LIMCH1: variants seen among roughly 807,000 people sequenced by gnomAD.
LIMCH1 encodes the protein LIM and calponin homology domains 1, also known as LIM and calponin homology domains-containing protein 1.
Under a neutral mutation model 176.5 loss-of-function variants are expected in LIMCH1, and 113 were observed. The observed-to-expected ratio is 0.64, with a 90% CI of 0.55 to 0.75. The LOEUF is 0.75. LIMCH1 is among the 30% of genes least tolerant of loss of function. The pLI, the probability that LIMCH1 is intolerant of heterozygous loss-of-function variation, is 0.00. For synonymous variants in LIMCH1, 619 were observed against 645.9 expected, an observed-to-expected ratio of 0.96 and a Z score of 0.63; for missense variants, 1,674 against 1,814.9, an observed-to-expected ratio of 0.92 and a Z score of 1.41.
At chr4:41,680,615 T>A (rs892715501) in intron 24 of LIMCH1, among the ~76,000 whole-genome samples, 7 of 152,234 alleles carry the variant, frequency 4.6e-5, no homozygotes, top group Admixed American at 4.6e-4. Flanking sequence ...ATGTATGTTA[T>A]CTAAAGTTTG....
rs958901912 is a variant in LIMCH1 at position 41,666,616 on chromosome 4, A to G, written c.3347A>G (p.Asp1116Gly). 1 of 1,614,062 alleles carries G rather than the reference A, an allele frequency of 6.2e-7. No homozygotes were observed. Among genetic ancestry groups the G allele is most frequent in the Non-Finnish European group, 8.5e-7 (1 of 1,179,932 alleles). Residue 1116 changes from aspartate to glycine, a missense_variant, in exon 21 of 32, where the codon GAC (aspartate) becomes GGC (glycine). Around this residue, in one of 3 missense-constraint regions of LIMCH1, gnomAD observed 1,015 missense variants for 1,102.5 expected, o/e 0.92. Transcript: ENST00000503057. Reference protein sequence around the residue: ...PEATLTFPFLDKMPEANQLHL... With the variant: ...PEATLTFPFLGKMPEANQLHL... ...GCAACGCTGACATTTCCATTTCTGG[A>G]CAAAATGCCTGAAGCCAACCAACTA... is the stretch of plus-strand genomic sequence containing the variant.
intron 1 of LIMCH1, among the ~76,000 whole-genome samples, chr4:41,380,716 C>G (rs1349732073): frequency 6.6e-6 from 1 of 152,112 alleles, no homozygotes; most frequent in Non-Finnish European, 1.5e-5. Context: ...GTAAGTTGCA[C>G]TGGGCGATAT....
At position 41,613,433 on chromosome 4, in the gene LIMCH1, T is replaced by C. The variant is rs1182088118; in HGVS notation, c.10-33T>C. On this transcript the variant is annotated intron_variant, in intron 4 of 31. Coordinates refer to ENST00000503057, the MANE Select transcript of LIMCH1 (RefSeq NM_001330672.2). ...TTCCTGATAGTGTAGGCTAGAATTA[T>C]GTCTGTAACCCTTTCATTTTCTTTT... is the stretch of plus-strand genomic sequence containing the variant. 3.8e-6 allele frequency: 6 copies of C among 1,586,818 alleles called. No homozygotes were observed. The East Asian group carries it at 1.1e-4, about 30-fold the overall frequency.
In LIMCH1 at chr4:41,504,114, C is replaced by A. The variant is rs564108862; in HGVS notation, c.167+9508C>A. ...TGAGAGTGGACAGGAGACCTTGGAG[C>A]TATCCAGTTCAGTTTCTCCTCACAA... On this transcript the variant is annotated intron_variant, in intron 2 of 26. Transcript: ENST00000313860. Among the ~76,000 whole-genome samples the A allele has an allele frequency of 3.0e-4, 45 of 152,322 alleles. No homozygotes were observed. The South Asian group carries it at 7.5e-3, about 25-fold the overall frequency.
At position 41,570,078 on chromosome 4, in the gene LIMCH1, G is replaced by A. The variant is rs201440107; in HGVS notation, c.-240-28842G>A. Among the ~76,000 whole-genome samples the A allele has an allele frequency of 5.9e-5, 9 of 152,330 alleles. No individual in the cohort carries two copies. The East Asian group carries it at 1.5e-3, about 26-fold the overall frequency. On this transcript the variant is annotated intron_variant, in intron 1 of 31. Coordinates refer to ENST00000503057, the MANE Select transcript of LIMCH1 (RefSeq NM_001330672.2). ...TGGTTGGTGGACAGCAGGTCCCAGC[G>A]TGGGATATTAGGTATGAGTGTCACC...
chr4:41,577,566 A>G (rs1397514266), intron 1 of LIMCH1, among the ~76,000 whole-genome samples: 1 of 152,094 alleles, frequency 6.6e-6, no homozygotes, highest in Non-Finnish European at 1.5e-5. Flanking sequence ...AATAACCGAG[A>G]CTACAGGTAT....
At chr4:41,672,316 G>A (rs984694273) in intron 22 of LIMCH1, among the ~76,000 whole-genome samples, 3 of 151,890 alleles carry the variant, frequency 2.0e-5, no homozygotes, top group African/African-American at 7.2e-5. Context: ...GTTGCAGTGA[G>A]CCAAGATCAC....
chr4:41,565,346 T>TACACACAC lies in LIMCH1; in HGVS notation c.-241+27026_-241+27033dup, dbSNP rs34056313. Among the ~76,000 whole-genome samples the TACACACAC allele has an allele frequency of 9.6e-3, 1,230 of 128,552 alleles. 19 individuals are homozygous for TACACACAC. Among genetic ancestry groups the TACACACAC allele is most frequent in the African/African-American group, 0.032 (1,094 of 34,076 alleles). 84.3% of individuals were successfully genotyped at this position (128,552 alleles called of 152,430 possible). A position where few individuals can be genotyped will look rare whatever the true frequency, so the allele number is the denominator to read the frequency against. Reference sequence around the variant, plus strand: ...ATAGTTAGAAGTTAGCTATTTCGGATACACACACACACACACACACACACA... The same window carrying TACACACAC: ...ATAGTTAGAAGTTAGCTATTTCGGATACACACACACACACACACACACACACACACACA... On this transcript the variant is annotated intron_variant, in intron 1 of 31. Coordinates refer to ENST00000503057, the MANE Select transcript of LIMCH1 (RefSeq NM_001330672.2).
At position 41,697,246 on chromosome 4, in the gene LIMCH1, T is replaced by G; in HGVS notation, c.*61T>G. ...TTTACTGAGAGTGTCCCCTGGCAACTGCTTAACAAAATCCCAAGCTCAGGG... is the reference window on the plus strand; with the variant it reads ...TTTACTGAGAGTGTCCCCTGGCAACGGCTTAACAAAATCCCAAGCTCAGGG... On this transcript the variant is annotated 3_prime_UTR_variant, in exon 32 of 32. Coordinates refer to ENST00000503057, the MANE Select transcript of LIMCH1 (RefSeq NM_001330672.2). The G allele has an allele frequency of 6.6e-7, 1 of 1,524,336 alleles. No homozygotes were observed. The highest frequency in any genetic ancestry group is 9.1e-7 in the Non-Finnish European group (1 of 1,100,032). The allele number at this position is 1,524,336 out of a possible 1,614,324, so 94.4% of individuals were successfully genotyped here. A position where few individuals can be genotyped will look rare whatever the true frequency, so the allele number is the denominator to read the frequency against.
chr4:41,692,439 T>C (rs1321468887), intron 31 of LIMCH1, 55 bp downstream of exon 31: 3 of 1,089,786 alleles, frequency 2.8e-6, no homozygotes, highest in South Asian at 1.3e-5. Flanking sequence ...ATGTCTTCCA[T>C]AGGACCCAAT....
intron 1 of LIMCH1, among the ~76,000 whole-genome samples, chr4:41,369,959 T>TGTGTGTGTGTGTG (rs57269261): frequency 4.2e-5 from 6 of 144,212 alleles, no homozygotes; most frequent in Admixed American, 6.8e-5. Context: ...TGTGTGTGTG[T>TGTGTGTGTGTGTG]TTTGTAGTGA....
At chr4:41,444,981 T>A (rs933073786) in intron 1 of LIMCH1, among the ~76,000 whole-genome samples, 5 of 151,848 alleles carry the variant, frequency 3.3e-5, no homozygotes, top group Admixed American at 3.3e-4. Context: ...TGTGCTTTTG[T>A]AGGCACATGA....
intron 1 of LIMCH1, among the ~76,000 whole-genome samples, chr4:41,381,173 T>C (rs2154103402): frequency 6.6e-6 from 1 of 152,324 alleles, no homozygotes; most frequent in East Asian, 1.9e-4. Context: ...TTAATATAGA[T>C]TCTAGCACCA....
intron 1 of LIMCH1, among the ~76,000 whole-genome samples, chr4:41,564,712 T>C (rs1310002575): frequency 6.6e-6 from 1 of 152,100 alleles, no homozygotes; most frequent in Non-Finnish European, 1.5e-5. Flanking sequence ...CCCTACAATA[T>C]GGTTTGGCTC....
chr4:41,373,369 A>G (rs2054261555), intron 1 of LIMCH1, among the ~76,000 whole-genome samples: 1 of 152,226 alleles, frequency 6.6e-6, no homozygotes, highest in African/African-American at 2.4e-5. Context: ...GGATGAAGCT[A>G]GAGTGGGCTG....
intron 7 of LIMCH1, among the ~76,000 whole-genome samples, chr4:41,625,110 T>G (rs554896466): frequency 5.3e-5 from 8 of 152,192 alleles, no homozygotes; most frequent in Non-Finnish European, 5.9e-5. Flanking sequence ...CAGCCTGGCC[T>G]GCCCCTTGAG....
At chr4:41,686,778 T>G (rs1721118148) in intron 28 of LIMCH1, among the ~76,000 whole-genome samples, 1 of 152,214 alleles carries the variant, frequency 6.6e-6, no homozygotes, top group Admixed American at 6.6e-5. Flanking sequence ...ATATTTATTG[T>G]CTTATTTTTC....
intron 21 of LIMCH1, chr4:41,670,892 A>G: frequency 6.7e-7 from 1 of 1,484,908 alleles, no homozygotes; most frequent in Non-Finnish European, 8.9e-7. Context: ...ATTTCTGGGG[A>G]AAAAATTATT....
At chr4:41,661,622 C>A (rs2094623459) in intron 19 of LIMCH1, 112 bp downstream of exon 19, 5 of 785,484 alleles carry the variant, frequency 6.4e-6, no homozygotes, top group South Asian at 6.1e-5. Flanking sequence ...TAATTAGACT[C>A]CAGGAGTGGT....
Sources: allele counts gnomAD v4.1 joint callset (sites outside exome capture counted in the v4.1 genomes callset), GRCh38; gene constraint gnomAD v4.1.1; regional missense constraint gnomAD v4.1.1; transcripts MANE v1.5; gene names NCBI Gene and HGNC (gene_info 2026-07-23, HGNC 2026-07-21).